EIF4G3: variants seen among roughly 807,000 people sequenced by gnomAD.
The protein encoded by EIF4G3 is eIF-4-gamma 3.
Under a neutral mutation model 186.4 loss-of-function variants are expected in EIF4G3, and 34 were observed. The observed-to-expected ratio is 0.18, with a 90% CI of 0.14 to 0.24. The LOEUF is 0.24. EIF4G3 is among the 10% of genes least tolerant of loss of function. The pLI is 1.00. For synonymous variants in EIF4G3, 673 were observed against 679.5 expected (o/e 0.99, Z 0.15); for missense variants, 1,536 against 1,948.5 (o/e 0.79, Z 3.99).
At position 20,941,685 on chromosome 1, in the gene EIF4G3, G is replaced by C; in HGVS notation, c.1469C>G (p.Ala490Gly). 6.2e-7 allele frequency: 1 copy of C among 1,613,384 alleles called. No individual in the cohort carries two copies. Among genetic ancestry groups the C allele is most frequent in the South Asian group, 1.1e-5 (1 of 90,900 alleles). The change falls in exon 14 of 37, where the codon GCT (alanine) becomes GGT (glycine). Residue 490 changes from alanine (A) to glycine (G), a missense_variant. Ala to Gly is a moderately conservative substitution (Grantham distance 60). Around this residue, in one of 11 missense-constraint regions of EIF4G3, gnomAD observed 560 missense variants for 547.8 expected, o/e 1.02. Transcript: ENST00000602326. ...CGGAGAACTAACAGTAGTGGCAGCA[G>C]CAGGAACAATGACTGGAGTGTGAGG... Reference protein sequence around the residue: ...SPPHTPVIVPAAATTVSSPSA... With the variant: ...SPPHTPVIVPGAATTVSSPSA...
intron 7 of EIF4G3, among the ~76,000 whole-genome samples, chr1:20,993,630 A>G (rs2081602275): frequency 6.6e-6 from 1 of 152,214 alleles, no homozygotes; most frequent in Non-Finnish European, 1.5e-5. Flanking sequence ...CAAAAAATAA[A>G]TTGAGATCAA....
chr1:21,020,220 G>A (rs2090344688), intron 4 of EIF4G3, among the ~76,000 whole-genome samples: 1 of 152,074 alleles, frequency 6.6e-6, no homozygotes, highest in Admixed American at 6.6e-5. Context: ...CAGGCACAGT[G>A]ATCATATCTG....
At chr1:21,087,164 C>T (rs2096012838) in intron 3 of EIF4G3, among the ~76,000 whole-genome samples, 1 of 151,986 alleles carries the variant, frequency 6.6e-6, no homozygotes, top group Admixed American at 6.6e-5. Context: ...ACTATGAGTC[C>T]TTTTAAGGTA....
chr1:20,929,573 A>G (rs2095180620), intron 14 of EIF4G3: 1 of 152,216 alleles, frequency 6.6e-6, no homozygotes, highest in Non-Finnish European at 1.5e-5. Context: ...CAAAGGGAAC[A>G]TTTGGGCTCT....
intron 30 of EIF4G3, among the ~76,000 whole-genome samples, chr1:20,829,905 G>A (rs548373491): frequency 4.4e-4 from 67 of 152,148 alleles, no homozygotes; most frequent in African/African-American, 1.6e-3. Context: ...CAAGCAAATG[G>A]GAATTAAATA....
At chr1:21,102,290 A>G (rs1052440664) in intron 2 of EIF4G3, among the ~76,000 whole-genome samples, 9 of 152,210 alleles carry the variant, frequency 5.9e-5, no homozygotes, top group Non-Finnish European at 1.3e-4. Context: ...GTCTCCATTA[A>G]AAATACAAAA....
At chr1:21,104,111 C>A (rs2096573451) in intron 2 of EIF4G3, among the ~76,000 whole-genome samples, 1 of 152,176 alleles carries the variant, frequency 6.6e-6, no homozygotes, top group Admixed American at 6.5e-5. Context: ...ATACTCTGAA[C>A]AATGCCGGCT....
At chr1:20,944,376 G>A (rs1027880787) in intron 13 of EIF4G3, among the ~76,000 whole-genome samples, 2 of 152,012 alleles carry the variant, frequency 1.3e-5, no homozygotes, top group South Asian at 4.1e-4. Flanking sequence ...TTAGCCAGGT[G>A]AGGTGGCGCA....
chr1:21,091,824 AT>A (rs1229340605), intron 2 of EIF4G3, among the ~76,000 whole-genome samples: 4 of 152,050 alleles, frequency 2.6e-5, no homozygotes, highest in Admixed American at 2.6e-4. Context: ...AATGCTTGTG[AT>A]TTTTGCACAT....
At chr1:20,835,258 A>G (rs1271793557) in intron 30 of EIF4G3, among the ~76,000 whole-genome samples, 1 of 152,214 alleles carries the variant, frequency 6.6e-6, no homozygotes, top group African/African-American at 2.4e-5. Context: ...TATAGCAATG[A>G]GCATCTATAT....
intron 32 of EIF4G3, among the ~76,000 whole-genome samples, chr1:20,825,681 T>C (rs1254343002): frequency 6.6e-6 from 1 of 152,216 alleles, no homozygotes; most frequent in Admixed American, 6.5e-5. Context: ...CCACACTGTG[T>C]CTTTTCCTAG....
chr1:20,921,113 T>C (rs6693930), intron 14 of EIF4G3, among the ~76,000 whole-genome samples: 143,604 of 151,970 alleles, frequency 0.94, 68,356 homozygotes, highest in Middle Eastern at 1. Flanking sequence ...ATTGTTAATC[T>C]ATATGAAACC....
rs2068400334 is a variant in EIF4G3 at position 20,841,042 on chromosome 1, A to G, written c.3889-14T>C. 1 of 1,612,856 alleles carries G rather than the reference A, an allele frequency of 6.2e-7. No individual in the cohort carries two copies. Among genetic ancestry groups the G allele is most frequent in the South Asian group, 1.1e-5 (1 of 90,862 alleles). On this transcript the variant is annotated splice_polypyrimidine_tract_variant and intron_variant, in intron 29 of 36. Coordinates refer to ENST00000602326, the MANE Select transcript of EIF4G3 (RefSeq NM_001391906.1). ...CTGCATGGCTTCCTGTTCCAACAGC[A>G]AAGAAAGGTTTACTCCAAAATCTGA...
chr1:20,890,224 C>T (rs894988421), intron 18 of EIF4G3, among the ~76,000 whole-genome samples: 1 of 152,054 alleles, frequency 6.6e-6, no homozygotes, highest in African/African-American at 2.4e-5. Context: ...CTGCCCACCT[C>T]AGCCTCCCAA....
chr1:20,981,272 G>A (rs781634247), intron 8 of EIF4G3, 45 bp from the exon 9 acceptor site: 1 of 1,266,616 alleles, frequency 7.9e-7, no homozygotes, highest in Non-Finnish European at 1.1e-6. Flanking sequence ...TTTTAACACA[G>A]GGGAATATAT....
chr1:20,857,379 T>C (rs1399282649), intron 25 of EIF4G3, 24 bp downstream of exon 25: 2 of 1,578,978 alleles, frequency 1.3e-6, no homozygotes, highest in African/African-American at 1.3e-5. Flanking sequence ...AGAGCGTAAA[T>C]TGTACTTTAA....
chr1:21,103,867 C>T (rs1164286140), intron 2 of EIF4G3, among the ~76,000 whole-genome samples: 2 of 152,158 alleles, frequency 1.3e-5, no homozygotes, highest in South Asian at 2.1e-4. Context: ...ACATCTCTCC[C>T]TTTTTAAGTG....
intron 4 of EIF4G3, among the ~76,000 whole-genome samples, chr1:21,049,368 AG>A (rs1437681343): frequency 6.6e-6 from 1 of 152,134 alleles, no homozygotes; most frequent in East Asian, 1.9e-4. Flanking sequence ...GAGAGTGCAT[AG>A]TTTTTCTCTC....
intron 2 of EIF4G3, among the ~76,000 whole-genome samples, chr1:21,154,446 C>T (rs1281924246): frequency 1.3e-5 from 2 of 152,172 alleles, no homozygotes; most frequent in African/African-American, 4.8e-5. Context: ...ACGAAATTAT[C>T]TATTTTTCTG....
Sources: gnomAD v4.1 joint callset for allele counts (sites outside exome capture counted in the v4.1 genomes callset) on GRCh38, gnomAD v4.1.1 for gene constraint, gnomAD v4.1.1 regional missense constraint, MANE v1.5 for transcripts, NCBI Gene and HGNC (gene_info 2026-07-23, HGNC 2026-07-21) for gene names.